The following GARNL3 variants were observed in gnomAD, a reference collection of about 807,000 sequenced individuals.
GARNL3 encodes the protein GTPase-activating Rap/Ran-GAP domain-like protein 3.
A neutral mutation model predicts 125.0 loss-of-function variants in GARNL3; 63 were observed. The ratio of observed to expected loss-of-function variants is 0.50; its 90% CI spans 0.41 to 0.62. The LOEUF is 0.62. Among genes scored for constraint, GARNL3 ranks in the 20% least tolerant of loss-of-function variants. The pLI is 0.00. For missense variants in GARNL3, 994 were observed against 1,244.0 expected (o/e 0.80, Z 3.02); for synonymous variants, 439 against 457.5 (o/e 0.96, Z 0.52).
At chr9:127,229,240 A>G (rs542455815) in intron 1 of GARNL3, among the ~76,000 whole-genome samples, 29 of 152,214 alleles carry the variant, frequency 1.9e-4, no homozygotes, top group African/African-American at 6.5e-4. Flanking sequence ...ATTAATCCAA[A>G]TTACCTCACA....
intron 4 of GARNL3, among the ~76,000 whole-genome samples, chr9:127,316,899 T>C (rs957773264): frequency 1.3e-5 from 2 of 152,234 alleles, no homozygotes; most frequent in Non-Finnish European, 2.9e-5. Flanking sequence ...TGTGTCCCAA[T>C]AGCACAAGAA....
In GARNL3 at chr9:127,385,738, C is replaced by G. The variant is rs1039695640; in HGVS notation, c.2388+593C>G. On this transcript the variant is annotated intron_variant, in intron 24 of 27. Coordinates refer to ENST00000373387, the MANE Select transcript of GARNL3 (RefSeq NM_032293.5). This position sits in a 1 kb window ranked among gnomAD's most constrained non-coding sequence, Gnocchi z 4.1. The stretch of plus-strand genomic sequence containing the variant: ...GCCCTGCCAGACTGGGCTGGCTCCC[C>G]CGCTGTGTCCCCTGTTCCCTTCCCT... Among the ~76,000 whole-genome samples, 1 of 152,180 alleles carries G rather than the reference C, an allele frequency of 6.6e-6. No individual in the cohort carries two copies.
intron 2 of GARNL3, 109 bp from the exon 3 acceptor site, chr9:127,311,527 G>A: frequency 1.7e-5 from 13 of 753,368 alleles, no homozygotes; most frequent in Middle Eastern, 2.4e-4. Context: ...GCCCTTGGGT[G>A]TATGCTTTTA....
rs774514398 is a variant in GARNL3 at position 127,353,933 on chromosome 9, G to C, written c.1631G>C (p.Arg544Thr). 1 of 1,610,856 alleles carries C rather than the reference G, an allele frequency of 6.2e-7. No individual in the cohort carries two copies. Among genetic ancestry groups the C allele is most frequent in the Admixed American group, 1.7e-5 (1 of 60,002 alleles). ...GAGACCCTGGACCTTCTGGTTCTCA[G>C]AGCAGACAAAGGTGGTATTCCCTGC... ...VLETLDLLVL[R>T]ADKGKDARLF... Residue 544 changes from arginine to threonine, a missense_variant, in exon 18 of 28, where the codon AGA (arginine) becomes ACA (threonine). This residue lies in a region of GARNL3 where 728 missense variants were observed against 865.7 expected (regional missense o/e 0.84). Coordinates refer to ENST00000373387, the MANE Select transcript of GARNL3 (RefSeq NM_032293.5).
chr9:127,231,033 TAC>T (rs1273751951), intron 1 of GARNL3, among the ~76,000 whole-genome samples: 32 of 51,736 alleles, frequency 6.2e-4, no homozygotes, highest in East Asian at 1.3e-3. Flanking sequence ...TATGTATATA[TAC>T]ATATATATAT....
intron 1 of GARNL3, among the ~76,000 whole-genome samples, chr9:127,290,052 G>A (rs886117175): frequency 1.3e-5 from 2 of 152,106 alleles, no homozygotes; most frequent in African/African-American, 4.8e-5. Flanking sequence ...AGTGACTGTA[G>A]CCCGTTATTT....
intron 2 of GARNL3, among the ~76,000 whole-genome samples, chr9:127,244,461 C>T (rs1443102324): frequency 2.6e-5 from 4 of 152,194 alleles, no homozygotes; most frequent in African/African-American, 2.4e-5. Context: ...GAAAATTACC[C>T]AGGGTAGCTT....
At chr9:127,346,621 A>G (rs890975728) in intron 16 of GARNL3, among the ~76,000 whole-genome samples, 8 of 152,246 alleles carry the variant, frequency 5.3e-5, no homozygotes, top group Non-Finnish European at 1.0e-4. Context: ...CTGTGGAACC[A>G]TAACTTGTTC....
chr9:127,387,878 G>A (rs1288567706), intron 25 of GARNL3, among the ~76,000 whole-genome samples: 1 of 152,136 alleles, frequency 6.6e-6, no homozygotes, highest in Non-Finnish European at 1.5e-5. Context: ...AGGCGCTGTG[G>A]CTCACACTTG....
intron 17 of GARNL3, among the ~76,000 whole-genome samples, chr9:127,350,977 A>T (rs1411815528): frequency 6.6e-6 from 1 of 152,168 alleles, no homozygotes; most frequent in Non-Finnish European, 1.5e-5. Context: ...TAGTACCCAG[A>T]TGTGATTGTT....
rs186355494 is a variant in GARNL3, at chr9:127,265,225, T to C, written c.144+204T>C. On this transcript the variant is annotated intron_variant, in intron 1 of 27. Coordinates refer to ENST00000373387, the MANE Select transcript of GARNL3 (RefSeq NM_032293.5). ...GTTTTTATTGTTACATACTTTTTAA[T>C]CTTGTCTTCCAGTTTGTTAAAAATA... Among the ~76,000 whole-genome samples the C allele has an allele frequency of 7.2e-4, 109 of 152,362 alleles. 1 individual carries two copies. Among genetic ancestry groups the C allele is most frequent in the African/African-American group, 2.5e-3 (106 of 41,592 alleles).
intron 2 of GARNL3, among the ~76,000 whole-genome samples, chr9:127,252,372 T>C (rs1227974054): frequency 6.6e-6 from 1 of 152,212 alleles, no homozygotes; most frequent in Non-Finnish European, 1.5e-5. Context: ...TTCTCTGTTG[T>C]TGATGAGAAG....
chr9:127,337,194 T>C (rs1829600201), intron 11 of GARNL3, among the ~76,000 whole-genome samples: 1 of 152,214 alleles, frequency 6.6e-6, no homozygotes, highest in Admixed American at 6.5e-5. Flanking sequence ...TTCTGAGTAA[T>C]ATCTGCCCCT....
chr9:127,385,240 G>A lies in GARNL3; in HGVS notation c.2388+95G>A. The A allele has an allele frequency of 1.5e-6, 1 of 649,740 alleles. No homozygotes were observed. Among genetic ancestry groups the A allele is most frequent in the Non-Finnish European group, 2.6e-6 (1 of 380,330 alleles). The allele number at this position is 649,740 out of a possible 1,614,324, so 40.2% of individuals were successfully genotyped here. ...ACAGAAGCCGCCTCTTGTCAAGTTAGGCTGATGAAGACCGGTGTCAGAATG... is the reference window on the plus strand; with the variant it reads ...ACAGAAGCCGCCTCTTGTCAAGTTAAGCTGATGAAGACCGGTGTCAGAATG... On this transcript the variant is annotated intron_variant, in intron 24 of 27. Coordinates refer to ENST00000373387, the MANE Select transcript of GARNL3 (RefSeq NM_032293.5). This position sits in a 1 kb window ranked among gnomAD's most constrained non-coding sequence, Gnocchi z 4.1.
In GARNL3 at chr9:127,387,266, C is replaced by A; in HGVS notation, c.2462C>A (p.Ala821Asp). The A allele has an allele frequency of 3.7e-6, 6 of 1,614,104 alleles. No homozygotes were observed. The highest frequency in any genetic ancestry group is 5.1e-6 in the Non-Finnish European group (6 of 1,179,968). Residue 821 changes from alanine to aspartate, a missense_variant, in exon 25 of 28, where the codon GCC becomes GAC. Around this residue, in one of 5 missense-constraint regions of GARNL3, gnomAD observed 728 missense variants for 865.7 expected, o/e 0.84. Transcript: ENST00000373387. The stretch of plus-strand genomic sequence containing the variant: ...GGAGGCAGCTCCAAGGGGGCCAGTG[C>A]CCGAAATTCTCCTCAGACACCCCCG... ...SSGGSSKGAS[A>D]RNSPQTPPGR...
chr9:127,391,346 G>A (rs1832825072), intron 27 of GARNL3, among the ~76,000 whole-genome samples: 1 of 144,240 alleles, frequency 6.9e-6, no homozygotes. Flanking sequence ...ATATATATAT[G>A]TAGAGAGAGA....
rs1344455557 is a variant in GARNL3, at chr9:127,325,062, T to C, written c.568-7T>C. 1.9e-6 allele frequency: 3 copies of C among 1,613,270 alleles called. No homozygotes were observed. Among genetic ancestry groups the C allele is most frequent in the East Asian group, 2.2e-5 (1 of 44,844 alleles). ...CTGGATGTAACTTTTAAAACTTTAT[T>C]TGACAGGACTTGCTGGTTCTTGAAG... On this transcript the variant is annotated splice_polypyrimidine_tract_variant and splice_region_variant and intron_variant, in intron 6 of 27. Transcript: ENST00000373387.
chr9:127,324,952 TTTA>T, intron 6 of GARNL3, 114 bp from the exon 7 acceptor site: 1 of 1,088,548 alleles, frequency 9.2e-7, no homozygotes. Context: ...ATAACCAACT[TTTA>T]AAATTATTTT....
chr9:127,391,533 A>AAAAAAAAAAAAAAAAAAATATAT, intron 27 of GARNL3, among the ~76,000 whole-genome samples: 1 of 75,874 alleles, frequency 1.3e-5, no homozygotes, highest in East Asian at 3.9e-4. Flanking sequence ...ACAAAAAAAA[A>AAAAAAAAAAAAAAAAAAATATAT]ATATATATAT....
Sources: gnomAD v4.1 joint callset for allele counts (sites outside exome capture counted in the v4.1 genomes callset) on GRCh38, gnomAD v4.1.1 for gene constraint, gnomAD v4.1.1 regional missense constraint, Gnocchi (gnomAD v3.1) non-coding constraint, MANE v1.5 for transcripts, NCBI Gene and HGNC (gene_info 2026-07-23, HGNC 2026-07-21) for gene names.